Variants in AOPEP observed in about 807,000 individuals in gnomAD.
AOPEP encodes aminopeptidase O.
In AOPEP, 77 loss-of-function variants were observed where a neutral mutation model predicts 98.1. The ratio of observed to expected loss-of-function variants is 0.78; its 90% CI spans 0.65 to 0.95. The LOEUF is 0.95. Among genes scored for constraint, AOPEP ranks in the 40% least tolerant of loss-of-function variants. The pLI, the probability that AOPEP is intolerant of heterozygous loss-of-function variation, is 0.00. For synonymous variants in AOPEP, 346 were observed against 365.3 expected, an observed-to-expected ratio of 0.95 and a Z score of 0.60; for missense variants, 1,024 against 1,024.7, an observed-to-expected ratio of 1.00 and a Z score of 0.01.
At chr9:95,041,476 T>TGTGTGG (rs2065300179) in intron 13 of AOPEP, among the ~76,000 whole-genome samples, 1 of 151,752 alleles carries the variant, frequency 6.6e-6, no homozygotes. Context: ...TGTGTGTGTG[T>TGTGTGG]GTGTGGAGAG....
chr9:95,028,786 G>A (rs963432889), intron 13 of AOPEP, among the ~76,000 whole-genome samples: 5 of 152,242 alleles, frequency 3.3e-5, no homozygotes, highest in Admixed American at 1.3e-4. Flanking sequence ...AAATATTGAC[G>A]TCCATATTAA....
intron 13 of AOPEP, among the ~76,000 whole-genome samples, chr9:95,026,033 T>G (rs2063809220): frequency 6.6e-6 from 1 of 152,202 alleles, no homozygotes; most frequent in African/African-American, 2.4e-5. Context: ...CTTTATTATC[T>G]TTAGAGGAAA....
intron 3 of AOPEP, among the ~76,000 whole-genome samples, chr9:94,790,065 C>T (rs1390647440): frequency 9.3e-5 from 14 of 150,086 alleles, no homozygotes; most frequent in Admixed American, 3.3e-4. Context: ...TTAGTAGAGA[C>T]GGGGTTTCAC....
intron 16 of AOPEP, chr9:95,085,294 A>G (rs777724506): frequency 1.1e-4 from 52 of 482,514 alleles, no homozygotes; most frequent in Non-Finnish European, 8.7e-6. Flanking sequence ...CCACGCAACC[A>G]CGACCTTGGC....
In AOPEP at chr9:94,782,204, C is replaced by CA. The variant is rs1334437700; in HGVS notation, c.964+9043dup. Among the ~76,000 whole-genome samples the CA allele has an allele frequency of 2.0e-5, 3 of 151,454 alleles. No homozygotes were observed. The East Asian group carries it at 5.9e-4, about 30-fold the overall frequency. On this transcript the variant is annotated intron_variant, in intron 3 of 16. Transcript: ENST00000375315. ...GACTCCGTCTCAAAAAAAAAAGAAA[C>CA]AAAAAAAGAAAAAGAAAATACTCTG...
the AOPEP span, chr9:95,114,083 T>G: frequency 5.3e-6 from 1 of 189,104 alleles, no homozygotes; most frequent in Non-Finnish European, 1.1e-5. Context: ...CAAGACCTTA[T>G]CTCTAAAAAT....
At chr9:94,830,118 T>G (rs1855618808) in intron 5 of AOPEP, among the ~76,000 whole-genome samples, 1 of 152,208 alleles carries the variant, frequency 6.6e-6, no homozygotes, top group South Asian at 2.1e-4. Flanking sequence ...CATGGTGGTT[T>G]ACTGCACAGA....
intron 5 of AOPEP, among the ~76,000 whole-genome samples, chr9:94,849,575 G>C (rs2043286000): frequency 6.7e-6 from 1 of 149,862 alleles, no homozygotes; most frequent in Non-Finnish European, 1.5e-5. Context: ...TTGGCATCAG[G>C]GACCTGTTTT....
intron 4 of AOPEP, among the ~76,000 whole-genome samples, chr9:94,795,393 C>T (rs148320676): frequency 1.1e-3 from 172 of 152,200 alleles, no homozygotes; most frequent in Non-Finnish European, 2.1e-3. Flanking sequence ...CTGAAAGTGC[C>T]ATTCTTGGTG....
rs983856079 is a variant in AOPEP at position 95,083,897 on chromosome 9, T to C, written c.*4+1178T>C. Among the ~76,000 whole-genome samples, 5 of 152,230 alleles carry C rather than the reference T, an allele frequency of 3.3e-5. No homozygotes were observed. In the East Asian group the frequency reaches 9.6e-4, roughly 29 times the overall value. On this transcript the variant is annotated intron_variant, in intron 16 of 16. Transcript: ENST00000375315. Reference sequence around the variant, plus strand: ...TATTTAAATCACTTCCTCTGTTAATTGTGCCTGGAATTAACCTGTTAGATT... The same window carrying C: ...TATTTAAATCACTTCCTCTGTTAATCGTGCCTGGAATTAACCTGTTAGATT...
At chr9:94,741,344 C>T (rs541640375) in intron 1 of AOPEP, among the ~76,000 whole-genome samples, 1 of 151,792 alleles carries the variant, frequency 6.6e-6, no homozygotes, top group African/African-American at 2.4e-5. Context: ...GCGATCTCGG[C>T]TCACTGCAAG....
intron 5 of AOPEP, among the ~76,000 whole-genome samples, chr9:94,851,304 G>GT (rs2043520198): frequency 6.6e-6 from 1 of 152,118 alleles, no homozygotes; most frequent in Non-Finnish European, 1.5e-5. Flanking sequence ...ACCTCCACCA[G>GT]TAAGAGCCTC....
chr9:94,749,615 T>C (rs916382436), intron 1 of AOPEP, among the ~76,000 whole-genome samples: 1 of 152,234 alleles, frequency 6.6e-6, no homozygotes, highest in South Asian at 2.1e-4. Context: ...AACTATTTTC[T>C]GGTTCACTGT....
intron 5 of AOPEP, among the ~76,000 whole-genome samples, chr9:94,860,182 G>C (rs1052531009): frequency 1.3e-5 from 2 of 152,252 alleles, no homozygotes; most frequent in African/African-American, 4.8e-5. Context: ...GTAGGAAGAA[G>C]GGCATATTAT....
chr9:95,115,036 G>A, the AOPEP span, among the ~76,000 whole-genome samples: 14 of 152,300 alleles, frequency 9.2e-5, no homozygotes, highest in South Asian at 2.5e-3. Flanking sequence ...AACCTCCTGG[G>A]CTCAAGCGAT....
chr9:94,790,111 G>A (rs1353572254), intron 3 of AOPEP, among the ~76,000 whole-genome samples: 2 of 151,088 alleles, frequency 1.3e-5, no homozygotes, highest in Admixed American at 6.6e-5. Context: ...TCCTGACCTC[G>A]TGATCCGCCC....
At chr9:94,845,166 A>T (rs887081967) in intron 5 of AOPEP, among the ~76,000 whole-genome samples, 1 of 152,228 alleles carries the variant, frequency 6.6e-6, no homozygotes, top group African/African-American at 2.4e-5. Context: ...GAAACTTGGG[A>T]ATAAGGAACC....
At chr9:95,125,253 G>T in the AOPEP span, 1 of 1,272,808 alleles carries the variant, frequency 7.9e-7, no homozygotes, top group Non-Finnish European at 1.1e-6. Context: ...AACCTGCACT[G>T]TATAAGGGAA....
At chr9:95,110,859 CTG>C in the AOPEP span, 2 of 1,185,934 alleles carry the variant, frequency 1.7e-6, no homozygotes, top group Non-Finnish European at 2.1e-6. Context: ...AAAATAACAA[CTG>C]TCTTTGCCAC....
Sources: gnomAD v4.1 joint callset for allele counts (sites outside exome capture counted in the v4.1 genomes callset) on GRCh38, gnomAD v4.1.1 for gene constraint, MANE v1.5 for transcripts, NCBI Gene and HGNC (gene_info 2026-07-23, HGNC 2026-07-21) for gene names.